Variants in MYO7A observed in about 807,000 individuals in gnomAD.
The protein encoded by MYO7A is unconventional myosin-VIIa.
A neutral mutation model predicts 263.8 loss-of-function variants in MYO7A; 210 were observed. The observed-to-expected ratio is 0.80, with a 90% CI of 0.71 to 0.89. MYO7A has a LOEUF of 0.89. MYO7A is among the 40% of genes least tolerant of loss of function. The probability of loss-of-function intolerance (pLI) is 0.00; values close to 1 mark genes in which losing one functional copy is unlikely to be tolerated. For synonymous variants in MYO7A, 1,239 were observed against 1,197.3 expected (o/e 1.03, Z -0.72); for missense variants, 2,820 against 2,968.3 (o/e 0.95, Z 1.16).
In MYO7A at chr11:77,214,803, G is replaced by A. The variant is rs1260910987; in HGVS notation, c.*107G>A. The A allele has an allele frequency of 6.5e-5, 62 of 960,520 alleles. No individual in the cohort carries two copies. In the East Asian group the frequency reaches 9.3e-4, roughly 14 times the overall value. The allele number at this position is 960,520 out of a possible 1,614,324, so 59.5% of individuals were successfully genotyped here. A position where few individuals can be genotyped will look rare whatever the true frequency, so the allele number is the denominator to read the frequency against. Reference sequence around the variant, plus strand: ...GGAAGACTTATGCCATCCCGGCAGCGAGGCTGGGCTGGCCAGCCACCACTG... The same window carrying A: ...GGAAGACTTATGCCATCCCGGCAGCAAGGCTGGGCTGGCCAGCCACCACTG... On this transcript the variant is annotated 3_prime_UTR_variant, in exon 49 of 49. Transcript: ENST00000409709.
intron 28 of MYO7A, among the ~76,000 whole-genome samples, chr11:77,189,744 C>T (rs540878023): frequency 2.0e-4 from 30 of 152,324 alleles, no homozygotes; most frequent in African/African-American, 7.2e-4. Flanking sequence ...AGGCCCTGGG[C>T]GCTGGGGTCA....
chr11:77,139,636 C>T (rs1473792451), intron 2 of MYO7A, among the ~76,000 whole-genome samples: 1 of 152,042 alleles, frequency 6.6e-6, no homozygotes, highest in African/African-American at 2.4e-5. Flanking sequence ...CCCATTCTCA[C>T]CTCCCTCCTG....
intron 8 of MYO7A, 56 bp downstream of exon 8, chr11:77,157,448 GCT>G: frequency 8.2e-7 from 1 of 1,219,322 alleles, no homozygotes; most frequent in South Asian, 1.3e-5. Flanking sequence ...ATTGTAGGGA[GCT>G]GGCTACTGCA....
At chr11:77,156,558 T>C (rs1376088909) in intron 5 of MYO7A, 102 bp from the exon 6 acceptor site, 78 of 1,534,996 alleles carry the variant, frequency 5.1e-5, no homozygotes, top group Non-Finnish European at 6.4e-5. Flanking sequence ...CAGCTGATAT[T>C]ACAGATGGGG....
At chr11:77,195,872 T>C (rs1423761602) in intron 32 of MYO7A, among the ~76,000 whole-genome samples, 1 of 152,272 alleles carries the variant, frequency 6.6e-6, no homozygotes, top group African/African-American at 2.4e-5. Context: ...TTCTGGAGCC[T>C]GGAGCTCCGA....
At position 77,172,876 on chromosome 11, in the gene MYO7A, G is replaced by T; in HGVS notation, c.1926G>T (p.Lys642Asn). ...GATGCATCAAGCCCAATGAGTTCAA[G>T]AAGCCCATGGTGAGTGGCCCTGGCC... ...FVRCIKPNEF[K>N]KPMLFDRHLC... The change falls in exon 16 of 49, where the codon AAG becomes AAT. Residue 642 changes from lysine (K) to asparagine (N), a missense_variant. Transcript: ENST00000409709. 6.4e-7 allele frequency: 1 copy of T among 1,551,262 alleles called. No homozygotes were observed. The highest frequency in any genetic ancestry group is 2.4e-5 in the East Asian group (1 of 40,900).
At chr11:77,170,085 A>G (rs1478981158) in intron 15 of MYO7A, among the ~76,000 whole-genome samples, 1 of 152,122 alleles carries the variant, frequency 6.6e-6, no homozygotes, top group Non-Finnish European at 1.5e-5. Context: ...ATAATAGTAA[A>G]TAGATAGAAA....
rs116540981 is a variant in MYO7A, at chr11:77,182,839, A to G, written c.3286-229A>G. Among the ~76,000 whole-genome samples the G allele has an allele frequency of 0.01, 1,569 of 152,344 alleles. 31 individuals carry two copies. The highest frequency in any genetic ancestry group is 0.036 in the African/African-American group (1,482 of 41,570). On this transcript the variant is annotated intron_variant, in intron 25 of 48. Transcript: ENST00000409709. The stretch of plus-strand genomic sequence containing the variant: ...ATGGCAGAGCAGACAGGGGCTTTGC[A>G]GTTGGAGCCAGCTCCCGTACTATGT...
At chr11:77,132,575 G>A (rs181650332) in intron 2 of MYO7A, among the ~76,000 whole-genome samples, 34 of 152,122 alleles carry the variant, frequency 2.2e-4, no homozygotes, top group South Asian at 8.3e-4. Context: ...TGCAACCTTC[G>A]ACTCCCTGGT....
intron 10 of MYO7A, 91 bp from the exon 11 acceptor site, chr11:77,160,072 C>A: frequency 6.7e-7 from 1 of 1,492,132 alleles, no homozygotes. Flanking sequence ...GTGGTCTGGG[C>A]CAGGCCAGTG....
rs1014526672 is a variant in MYO7A at position 77,190,642 on chromosome 11, G to T, written c.3751-55G>T. On this transcript the variant is annotated intron_variant, in intron 29 of 48. Transcript: ENST00000409709. The stretch of plus-strand genomic sequence containing the variant: ...GAAAGCAGAGAGCCAAAGTCCAGAG[G>T]GGCAGGCAGGTCTGAAGGGAAGGGA... 4.6e-6 allele frequency: 7 copies of T among 1,530,946 alleles called. No homozygotes were observed. In the African/African-American group the frequency reaches 9.6e-5, roughly 21 times the overall value. 94.8% of individuals were successfully genotyped at this position (1,530,946 alleles called of 1,614,324 possible). A position where few individuals can be genotyped will look rare whatever the true frequency, so the allele number is the denominator to read the frequency against.
chr11:77,194,261 G>C, intron 31 of MYO7A, 93 bp from the exon 32 acceptor site: 1 of 1,422,022 alleles, frequency 7.0e-7, no homozygotes, highest in Non-Finnish European at 9.6e-7. Context: ...ACAGGAGGCA[G>C]GGCCAGGAGA....
chr11:77,179,122 A>G lies in MYO7A; in HGVS notation c.2360A>G (p.Tyr787Cys), dbSNP rs1555082139. 1.2e-6 allele frequency: 2 copies of G among 1,600,744 alleles called. No individual in the cohort carries two copies. Among genetic ancestry groups the G allele is most frequent in the East Asian group, 2.3e-5 (1 of 44,358 alleles). ...HWRGHNCRKN[Y>C]GLMRLGFLRL... ...CGGGGTCACAACTGTAGGAAGAACTACGGGCTGGTGAGCCTCCCCATGGGC... is the reference window on the plus strand; with the variant it reads ...CGGGGTCACAACTGTAGGAAGAACTGCGGGCTGGTGAGCCTCCCCATGGGC... The change falls in exon 20 of 49, where the codon TAC (tyrosine) becomes TGC (cysteine). Residue 787 changes from tyrosine to cysteine, a missense_variant. By Grantham distance (194) the Tyr-to-Cys change is radical. Transcript: ENST00000409709.
Position 77,177,648 on chromosome 11 carries a change from G to A in MYO7A, c.2282+5G>A, listed in dbSNP as rs540145750. 2.1e-4 allele frequency: 338 copies of A among 1,603,652 alleles called. No individual in the cohort carries two copies. The highest frequency in any genetic ancestry group is 5.1e-4 in the Admixed American group (30 of 58,992). The stretch of plus-strand genomic sequence containing the variant: ...CATCCGGGGATTCAAAGACAGGTGC[G>A]TGTTCCCACCAGCTCCTCCCCTCCT... On this transcript the variant is annotated splice_donor_5th_base_variant and intron_variant, in intron 19 of 48. Transcript: ENST00000409709.
chr11:77,166,255 C>A, intron 15 of MYO7A, 93 bp downstream of exon 15: 3 of 1,102,564 alleles, frequency 2.7e-6, no homozygotes, highest in Non-Finnish European at 4.1e-6. Context: ...TTCAGCTGAG[C>A]CCCCTGGCCA....
At position 77,192,296 on chromosome 11, in the gene MYO7A, T is replaced by G; in HGVS notation, c.4152+18T>G. 6.2e-7 allele frequency: 1 copy of G among 1,610,904 alleles called. No individual in the cohort carries two copies. Among genetic ancestry groups the G allele is most frequent in the Non-Finnish European group, 8.5e-7 (1 of 1,177,104 alleles). ...GTGAGAAGGTGAGTGGGAGGGAATCTTCCGCCAGGCTGGCTTGGCTCACAG... is the reference window on the plus strand; with the variant it reads ...GTGAGAAGGTGAGTGGGAGGGAATCGTCCGCCAGGCTGGCTTGGCTCACAG... On this transcript the variant is annotated intron_variant, in intron 31 of 48. Coordinates refer to ENST00000409709, the MANE Select transcript of MYO7A (RefSeq NM_000260.4).
chr11:77,188,150 C>T (rs1290904147), intron 27 of MYO7A, among the ~76,000 whole-genome samples: 1 of 152,216 alleles, frequency 6.6e-6, no homozygotes, highest in Non-Finnish European at 1.5e-5. Context: ...CACGGCTAAT[C>T]CCTCCCTGCT....
rs1555062954 is a variant in MYO7A at position 77,156,907 on chromosome 11, T to A, written c.638T>A (p.Phe213Tyr). Residue 213 changes from phenylalanine (F) to tyrosine (Y), a missense_variant, in exon 7 of 49, where the codon TTC (phenylalanine) becomes TAC (tyrosine). Phe to Tyr is a conservative substitution (Grantham distance 22). Transcript: ENST00000409709. ...KTIRNDNSSR[F>Y]GKYIDIHFNK... ...ATCCGCAATGACAACTCAAGCCGTTTCGGAAAGTACATCGACATCCACTTC... is the reference window on the plus strand; with the variant it reads ...ATCCGCAATGACAACTCAAGCCGTTACGGAAAGTACATCGACATCCACTTC... 1.2e-6 allele frequency: 2 copies of A among 1,614,024 alleles called. No homozygotes were observed. Among genetic ancestry groups the A allele is most frequent in the East Asian group, 4.5e-5 (2 of 44,880 alleles).
chr11:77,172,766 C>T lies in MYO7A; in HGVS notation c.1816C>T (p.Arg606Cys), dbSNP rs567139897. The change falls in exon 16 of 49, where the codon CGC becomes TGC. Residue 606 changes from arginine (R) to cysteine (C), a missense_variant. Physicochemically the swap from Arg to Cys is radical, Grantham distance 180 (BLOSUM62 -3). Transcript: ENST00000409709. Reference sequence around the variant, plus strand: ...CCCCCAGGGCGCCGAGACCAGGAAGCGCTCGCCCACACTTAGCAGCCAGTT... The same window carrying T: ...CCCCCAGGGCGCCGAGACCAGGAAGTGCTCGCCCACACTTAGCAGCCAGTT... Reference protein sequence around the residue: ...DVAMGAETRKRSPTLSSQFKR... With the variant: ...DVAMGAETRKCSPTLSSQFKR... 16 of 1,558,504 alleles carry T rather than the reference C, an allele frequency of 1.0e-5. No individual in the cohort carries two copies. Among genetic ancestry groups the T allele is most frequent in the Admixed American group, 3.8e-5 (2 of 52,208 alleles).
Sources: gnomAD v4.1 joint callset for allele counts (sites outside exome capture counted in the v4.1 genomes callset) on GRCh38, gnomAD v4.1.1 for gene constraint, MANE v1.5 for transcripts, NCBI Gene and HGNC (gene_info 2026-07-23, HGNC 2026-07-21) for gene names.